The following TPTE variants were observed in gnomAD, a reference collection of about 807,000 sequenced individuals.
TPTE encodes the protein putative tyrosine-protein phosphatase TPTE.
TPTE carries 59 observed loss-of-function variants against 84.1 expected under a neutral mutation model. The ratio of observed to expected loss-of-function variants is 0.70; its 90% CI spans 0.57 to 0.87. TPTE has a LOEUF of 0.87. Among genes scored for constraint, TPTE ranks in the 40% least tolerant of loss-of-function variants. The pLI, the probability that TPTE is intolerant of heterozygous loss-of-function variation, is 0.00. For synonymous variants in TPTE, 130 were observed against 223.5 expected, an observed-to-expected ratio of 0.58 and a Z score of 3.73; for missense variants, 382 against 659.6, an observed-to-expected ratio of 0.58 and a Z score of 4.61.
intron 3 of TPTE, among the ~76,000 whole-genome samples, chr21:10,535,071 C>G (rs1292632588): frequency 6.6e-6 from 1 of 152,304 alleles, no homozygotes; most frequent in Non-Finnish European, 1.5e-5. Flanking sequence ...TGTTTGATAC[C>G]TCTTTGCTAG....
chr21:10,581,353 G>C (rs1183931753), intron 17 of TPTE, among the ~76,000 whole-genome samples: 1 of 152,306 alleles, frequency 6.6e-6, no homozygotes, highest in African/African-American at 2.4e-5. Flanking sequence ...ATTAACTAAT[G>C]CTAATTCCTT....
intron 4 of TPTE, among the ~76,000 whole-genome samples, chr21:10,538,991 C>T (rs1402566433): frequency 4.6e-5 from 7 of 152,306 alleles, no homozygotes; most frequent in Non-Finnish European, 8.8e-5. Context: ...ACAGGATTTC[C>T]AATTCTTCTC....
intron 10 of TPTE, among the ~76,000 whole-genome samples, chr21:10,562,517 A>C (rs1360782004): frequency 6.6e-6 from 1 of 152,310 alleles, no homozygotes; most frequent in Non-Finnish European, 1.5e-5. Context: ...AATTCAAGAT[A>C]ACACAGAGAA....
At chr21:10,591,090 T>C (rs2075466228) in intron 18 of TPTE, among the ~76,000 whole-genome samples, 1 of 152,300 alleles carries the variant, frequency 6.6e-6, no homozygotes, top group Admixed American at 6.5e-5. Context: ...CTTAGGTAGA[T>C]AAAAAGCAAC....
chr21:10,554,242 A>G (rs1339092085), intron 8 of TPTE, among the ~76,000 whole-genome samples: 3 of 152,306 alleles, frequency 2.0e-5, no homozygotes, highest in Non-Finnish European at 2.9e-5. Context: ...ATAGTCAGAT[A>G]TTGCTGAACA....
At chr21:10,547,412 T>C (rs1400330033) in intron 7 of TPTE, among the ~76,000 whole-genome samples, 2 of 152,310 alleles carry the variant, frequency 1.3e-5, no homozygotes, top group African/African-American at 4.8e-5. Flanking sequence ...CAGGAGGGAC[T>C]TCTCATTGCA....
At chr21:10,558,908 T>C (rs1478440555) in intron 8 of TPTE, among the ~76,000 whole-genome samples, 5 of 152,306 alleles carry the variant, frequency 3.3e-5, no homozygotes, top group Non-Finnish European at 5.9e-5. Flanking sequence ...CTTTGATTAA[T>C]GGAAGGAGCC....
rs2074046435 is a variant in TPTE, at chr21:10,524,597, A to G, written c.-193A>G. On this transcript the variant is annotated 5_prime_UTR_variant, in exon 2 of 24. Coordinates refer to ENST00000618007, the MANE Select transcript of TPTE (RefSeq NM_199261.4). ...CCTCTTAGAGAATGTTGGACCGACGACACAAGACCTCAGACTTGTGTTATT... is the reference window on the plus strand; with the variant it reads ...CCTCTTAGAGAATGTTGGACCGACGGCACAAGACCTCAGACTTGTGTTATT... 6.6e-6 allele frequency: 1 copy of G among 152,606 alleles called. No individual in the cohort carries two copies. Among genetic ancestry groups the G allele is most frequent in the Admixed American group, 6.5e-5 (1 of 15,298 alleles). 9.5% of individuals were successfully genotyped at this position (152,606 alleles called of 1,614,324 possible). A position where few individuals can be genotyped will look rare whatever the true frequency, so the allele number is the denominator to read the frequency against.
intron 8 of TPTE, among the ~76,000 whole-genome samples, chr21:10,558,427 T>G (rs1341796419): frequency 6.6e-6 from 1 of 152,312 alleles, no homozygotes; most frequent in Admixed American, 6.5e-5. Context: ...ATTTTTTGAC[T>G]TTTTAGTAAT....
chr21:10,570,624 C>A, intron 14 of TPTE, 75 bp downstream of exon 14: 1 of 1,604,018 alleles, frequency 6.2e-7, no homozygotes, highest in Non-Finnish European at 8.5e-7. Flanking sequence ...AATACTGACC[C>A]AGATATGGCA....
chr21:10,542,402 A>C lies in TPTE; in HGVS notation c.73A>C (p.Thr25Pro), dbSNP rs1280255523. Residue 25 changes from threonine to proline, a missense_variant, in exon 6 of 24, where the codon ACA becomes CCA. Thr to Pro is a conservative substitution (Grantham distance 38). This residue lies in a region of TPTE where 63 missense variants were observed against 49.5 expected (regional missense o/e 1.27). Transcript: ENST00000618007. ...TCTCTTATCATCCACTAGTCCACAG[A>C]CAAGTGAATTTAAAGGAGCAACCGA... ...IELGPNDSPQ[T>P]SEFKGATEEA... 1.2e-6 allele frequency: 2 copies of C among 1,611,744 alleles called. No individual in the cohort carries two copies. Among genetic ancestry groups the C allele is most frequent in the South Asian group, 2.2e-5 (2 of 91,066 alleles).
chr21:10,576,637 A>G, intron 14 of TPTE: 1 of 152,516 alleles, frequency 6.6e-6, no homozygotes, highest in African/African-American at 2.4e-5. Context: ...ATATTAAGCC[A>G]GTAAACATTG....
At chr21:10,578,643 G>A (rs2075212685) in intron 17 of TPTE, 38 bp downstream of exon 17, 2 of 1,611,890 alleles carry the variant, frequency 1.2e-6, no homozygotes, top group East Asian at 2.2e-5. Flanking sequence ...CATTTCTAAA[G>A]ACATGTAAAT....
chr21:10,597,994 A>G (rs749262542), intron 20 of TPTE, 21 bp from the exon 21 acceptor site: 1 of 1,612,090 alleles, frequency 6.2e-7, no homozygotes, highest in Non-Finnish European at 8.5e-7. Flanking sequence ...CTAACTTTTT[A>G]ATTTCATTTT....
intron 22 of TPTE, 70 bp from the exon 23 acceptor site, chr21:10,603,492 G>C (rs1978843989): frequency 2.1e-6 from 3 of 1,431,966 alleles, no homozygotes; most frequent in Non-Finnish European, 2.9e-6. Flanking sequence ...ATAAAGAAAG[G>C]AACTTCAATT....
At chr21:10,538,448 G>A (rs924283133) in intron 3 of TPTE, among the ~76,000 whole-genome samples, 2 of 152,300 alleles carry the variant, frequency 1.3e-5, no homozygotes, top group Non-Finnish European at 2.9e-5. Flanking sequence ...ATAATAAAGA[G>A]GTTTATTTAA....
At chr21:10,540,648 C>G (rs1020400904) in intron 4 of TPTE, 1 of 518,982 alleles carries the variant, frequency 1.9e-6, no homozygotes, top group African/African-American at 1.9e-5. Flanking sequence ...ACTGCCTTTG[C>G]CCATACCCAC....
chr21:10,529,474 C>T (rs370436073), intron 3 of TPTE, among the ~76,000 whole-genome samples: 177 of 152,350 alleles, frequency 1.2e-3, no homozygotes, highest in African/African-American at 3.9e-3. Context: ...AATGTCTGTT[C>T]ACTCTAAAAT....
chr21:10,579,477 C>A (rs1267853238), intron 17 of TPTE, among the ~76,000 whole-genome samples: 3 of 152,296 alleles, frequency 2.0e-5, no homozygotes, highest in East Asian at 1.9e-4. Flanking sequence ...GCAACAAGAA[C>A]AAAACTCCAT....
Sources: gnomAD v4.1 joint callset for allele counts (sites outside exome capture counted in the v4.1 genomes callset) on GRCh38, gnomAD v4.1.1 for gene constraint, gnomAD v4.1.1 regional missense constraint, MANE v1.5 for transcripts, NCBI Gene and HGNC (gene_info 2026-07-23, HGNC 2026-07-21) for gene names.